The following UST variants were observed in gnomAD, a reference collection of about 807,000 sequenced individuals.
The protein encoded by UST is uronyl 2-sulfotransferase.
UST carries 21 observed loss-of-function variants against 45.6 expected under a neutral mutation model. The observed-to-expected ratio is 0.46, with a 90% CI of 0.33 to 0.66. The LOEUF (loss-of-function observed/expected upper bound fraction) is 0.66, where lower values mean the gene tolerates loss of function less well. Among genes scored for constraint, UST ranks in the 30% least tolerant of loss-of-function variants. UST has a pLI of 0.02. For synonymous variants in UST, 215 were observed against 200.6 expected (o/e 1.07, Z -0.61); for missense variants, 463 against 512.4 (o/e 0.90, Z 0.93).
rs541437055 is a variant in UST at position 148,973,418 on chromosome 6, CAT to C, written c.681+8856_681+8857del. 9.0e-4 allele frequency among the ~76,000 whole-genome samples: 137 copies of C among 152,310 alleles called. 1 individual carries two copies. Among genetic ancestry groups the C allele is most frequent in the African/African-American group, 3.1e-3 (129 of 41,566 alleles). On this transcript the variant is annotated intron_variant, in intron 5 of 7. Coordinates refer to ENST00000367463, the MANE Select transcript of UST (RefSeq NM_005715.3). ...GTCCATTGCCATCTCTTCAAAGAGA[CAT>C]GTGACATTCTTTAAATGCAGGCCAA...
intron 7 of UST, among the ~76,000 whole-genome samples, chr6:149,025,698 T>TA (rs1407856277): frequency 6.6e-6 from 1 of 152,224 alleles, no homozygotes; most frequent in Non-Finnish European, 1.5e-5. Context: ...GTTTGTTTAT[T>TA]ACTTATCACC....
intron 5 of UST, among the ~76,000 whole-genome samples, chr6:149,010,895 C>CAAAAAAAAAAAAAAAAAAAAAAAAA (rs1172538648): frequency 3.0e-5 from 2 of 65,614 alleles, no homozygotes; most frequent in African/African-American, 1.3e-4. Flanking sequence ...CCGTCTCAAC[C>CAAAAAAAAAAAAAAAAAAAAAAAAA]AAAAAAAAAA....
chr6:148,859,780 G>A (rs1429178922), intron 1 of UST, among the ~76,000 whole-genome samples: 7 of 152,116 alleles, frequency 4.6e-5, no homozygotes, highest in Non-Finnish European at 7.4e-5. Flanking sequence ...TTTTTGTCAG[G>A]TTTGTCAAAG....
intron 1 of UST, among the ~76,000 whole-genome samples, chr6:148,770,897 A>G (rs1776413538): frequency 6.6e-6 from 1 of 152,002 alleles, no homozygotes; most frequent in Admixed American, 6.5e-5. Flanking sequence ...ATACTGAAAT[A>G]TTTTTCCAAC....
At position 148,829,834 on chromosome 6, in the gene UST, C is replaced by T. The variant is rs760521044; in HGVS notation, c.248-57152C>T. Among the ~76,000 whole-genome samples, 66 of 152,288 alleles carry T rather than the reference C, an allele frequency of 4.3e-4. No individual in the cohort carries two copies. The Middle Eastern group carries it at 0.01, about 24-fold the overall frequency. ...TACCAACCCATCATTATGTATTTCTCTACTTGCTTTGGTCTGACCTAGGGA... is the reference window on the plus strand; with the variant it reads ...TACCAACCCATCATTATGTATTTCTTTACTTGCTTTGGTCTGACCTAGGGA... On this transcript the variant is annotated intron_variant, in intron 1 of 7. Coordinates refer to ENST00000367463, the MANE Select transcript of UST (RefSeq NM_005715.3).
At chr6:148,907,707 G>T (rs1179583394) in intron 2 of UST, among the ~76,000 whole-genome samples, 2 of 152,106 alleles carry the variant, frequency 1.3e-5, no homozygotes, top group Admixed American at 6.5e-5. Flanking sequence ...AATCCCCGAT[G>T]CAGAGAACAT....
chr6:148,809,470 C>T (rs1023848129), intron 1 of UST, among the ~76,000 whole-genome samples: 6 of 152,166 alleles, frequency 3.9e-5, no homozygotes, highest in African/African-American at 1.4e-4. Context: ...TCCATCTCAA[C>T]ACTCTAACGT....
At chr6:148,762,256 A>T (rs1371922301) in intron 1 of UST, among the ~76,000 whole-genome samples, 1 of 152,222 alleles carries the variant, frequency 6.6e-6, no homozygotes, top group Non-Finnish European at 1.5e-5. Flanking sequence ...GATATCAGTG[A>T]TAATATTTTG....
At chr6:148,899,730 G>T (rs184817907) in intron 2 of UST, among the ~76,000 whole-genome samples, 1 of 152,232 alleles carries the variant, frequency 6.6e-6, no homozygotes. Context: ...AGTGGTCCCC[G>T]ATGGCGCCCT....
intron 3 of UST, among the ~76,000 whole-genome samples, chr6:148,949,438 A>AAT (rs1780320682): frequency 1.4e-5 from 2 of 143,422 alleles, no homozygotes; most frequent in African/African-American, 5.1e-5. Context: ...TAATAATATT[A>AAT]CTTATTCATG....
chr6:148,811,077 C>T (rs1777248998), intron 1 of UST, among the ~76,000 whole-genome samples: 1 of 152,122 alleles, frequency 6.6e-6, no homozygotes, highest in Admixed American at 6.5e-5. Context: ...AATAATAATG[C>T]TGTGTAACAA....
chr6:149,054,470 T>G (rs919705407), intron 7 of UST, among the ~76,000 whole-genome samples: 3 of 152,224 alleles, frequency 2.0e-5, no homozygotes, highest in African/African-American at 7.2e-5. Context: ...CTTAGCAATC[T>G]TCTGTGGTTC....
intron 3 of UST, among the ~76,000 whole-genome samples, chr6:148,950,037 C>T (rs1262075331): frequency 2.6e-5 from 4 of 152,220 alleles, no homozygotes; most frequent in Non-Finnish European, 5.9e-5. Context: ...TGGCCACTTG[C>T]CCTGCCTCCC....
intron 1 of UST, among the ~76,000 whole-genome samples, chr6:148,876,753 G>A (rs1018809654): frequency 6.6e-6 from 1 of 151,718 alleles, no homozygotes; most frequent in African/African-American, 2.4e-5. Flanking sequence ...TTCTTTATTC[G>A]TTTTGTTGTT....
intron 3 of UST, among the ~76,000 whole-genome samples, chr6:148,950,542 C>G (rs1192831652): frequency 6.6e-6 from 1 of 152,232 alleles, no homozygotes; most frequent in East Asian, 1.9e-4. Flanking sequence ...TCACCTGCTA[C>G]TTTGCTGATC....
intron 5 of UST, among the ~76,000 whole-genome samples, chr6:149,013,301 G>A (rs532883472): frequency 5.9e-5 from 9 of 152,250 alleles, no homozygotes; most frequent in Non-Finnish European, 1.0e-4. Context: ...TGTAATCCCA[G>A]CACTTTGGGA....
chr6:148,834,353 A>C (rs9403989), intron 1 of UST, among the ~76,000 whole-genome samples: 79,246 of 152,032 alleles, frequency 0.52, 20,942 homozygotes, highest in East Asian at 0.73. Flanking sequence ...AGGTGAAAGT[A>C]AATCATTTCT....
intron 1 of UST, among the ~76,000 whole-genome samples, chr6:148,749,474 C>G (rs1171330676): frequency 6.6e-6 from 1 of 151,938 alleles, no homozygotes; most frequent in East Asian, 1.9e-4. Context: ...TGCTCATTGT[C>G]CTCAAAGCAC....
intron 2 of UST, among the ~76,000 whole-genome samples, chr6:148,909,628 T>C (rs557454016): frequency 6.6e-6 from 1 of 152,336 alleles, no homozygotes; most frequent in East Asian, 1.9e-4. Context: ...ATCTACATTA[T>C]TCATGCATCG....
Sources: gnomAD v4.1 joint callset for allele counts (sites outside exome capture counted in the v4.1 genomes callset) on GRCh38, gnomAD v4.1.1 for gene constraint, MANE v1.5 for transcripts, NCBI Gene and HGNC (gene_info 2026-07-23, HGNC 2026-07-21) for gene names.